Variants in MRTFA observed in about 807,000 individuals in gnomAD.
The protein encoded by MRTFA is myocardin related transcription factor A.
Under a neutral mutation model 83.5 loss-of-function variants are expected in MRTFA, and 20 were observed. The observed-to-expected ratio is 0.24, with a 90% CI of 0.17 to 0.35. MRTFA has a LOEUF of 0.35. MRTFA is among the 10% of genes least tolerant of loss of function. The pLI is 1.00. For synonymous variants in MRTFA, 659 were observed against 541.2 expected, an observed-to-expected ratio of 1.22 and a Z score of -3.02; for missense variants, 1,200 against 1,224.7, an observed-to-expected ratio of 0.98 and a Z score of 0.30.
chr22:40,506,948 T>C (rs1041690610), intron 3 of MRTFA, among the ~76,000 whole-genome samples: 3 of 152,240 alleles, frequency 2.0e-5, no homozygotes, highest in African/African-American at 7.2e-5. Context: ...TGACCACATA[T>C]AAGAAATGCT....
At chr22:40,420,657 G>C in intron 10 of MRTFA, 81 bp from the exon 11 acceptor site, 3 of 1,568,236 alleles carry the variant, frequency 1.9e-6, no homozygotes, top group African/African-American at 1.3e-5. Context: ...TGGGCAGCAG[G>C]ATTGGGTACA....
At chr22:40,564,805 C>T (rs1295879212) in intron 2 of MRTFA, among the ~76,000 whole-genome samples, 1 of 152,158 alleles carries the variant, frequency 6.6e-6, no homozygotes. Flanking sequence ...GCACACGCCG[C>T]CATTCCCGGC....
chr22:40,410,981 G>GGAGA lies in MRTFA; in HGVS notation c.*405_*408dup, dbSNP rs1291858611. 4.2e-6 allele frequency: 1 copy of GGAGA among 239,580 alleles called. No homozygotes were observed. The highest frequency in any genetic ancestry group is 2.2e-5 in the African/African-American group (1 of 45,534). The allele number at this position is 239,580 out of a possible 1,614,324, so 14.8% of individuals were successfully genotyped here. On this transcript the variant is annotated 3_prime_UTR_variant, in exon 15 of 15. Coordinates refer to ENST00000355630, the MANE Select transcript of MRTFA (RefSeq NM_020831.6). ...AATTTCTCCCTTCACAGCAAAGCAG[G>GGAGA]GAGAGAAAGGAAGGAGATTCACCCC...
intron 3 of MRTFA, among the ~76,000 whole-genome samples, chr22:40,494,959 T>C (rs1452175979): frequency 6.6e-6 from 1 of 151,990 alleles, no homozygotes; most frequent in Admixed American, 6.6e-5. Context: ...AAGGTGGTGG[T>C]TTACCTTTTA....
chr22:40,626,296 C>T lies in MRTFA; in HGVS notation c.-84+10182G>A, dbSNP rs541419612. On this transcript the variant is annotated intron_variant, in intron 1 of 14. Coordinates refer to ENST00000355630, the MANE Select transcript of MRTFA (RefSeq NM_020831.6). The stretch of plus-strand genomic sequence containing the variant: ...TACCATGCCTGTCCTAAGATTTACT[C>T]GTTTTTTTTGAGATGAGGTCTGGCT... 3.3e-5 allele frequency among the ~76,000 whole-genome samples: 5 copies of T among 150,812 alleles called. No homozygotes were observed. The South Asian group carries it at 1.1e-3, about 32-fold the overall frequency.
intron 1 of MRTFA, among the ~76,000 whole-genome samples, chr22:40,596,131 C>A (rs928006922): frequency 6.6e-6 from 1 of 151,962 alleles, no homozygotes; most frequent in African/African-American, 2.4e-5. Context: ...TACTGTTTCT[C>A]CTACTACCTA....
chr22:40,430,085 C>T (rs2053036966), intron 6 of MRTFA, among the ~76,000 whole-genome samples: 1 of 152,148 alleles, frequency 6.6e-6, no homozygotes, highest in Admixed American at 6.5e-5. Context: ...CTCAAACTTG[C>T]TGTGTTACTG....
At position 40,448,897 on chromosome 22, in the gene MRTFA, T is replaced by C. The variant is rs556090233; in HGVS notation, c.308-13343A>G. ...CAGGCAAGCCAGGCTTTTCCGAGCATTGGAGATGAACGCTCAGAATTTTTC... is the reference window on the plus strand; with the variant it reads ...CAGGCAAGCCAGGCTTTTCCGAGCACTGGAGATGAACGCTCAGAATTTTTC... On this transcript the variant is annotated intron_variant, in intron 4 of 14. Transcript: ENST00000355630. 3.9e-5 allele frequency among the ~76,000 whole-genome samples: 6 copies of C among 152,294 alleles called. No homozygotes were observed. The East Asian group carries it at 1.2e-3, about 29-fold the overall frequency.
In MRTFA at chr22:40,411,410, G is replaced by A. The variant is rs1400877300; in HGVS notation, c.3076C>T (p.His1026Tyr). The A allele has an allele frequency of 8.3e-6, 13 of 1,566,094 alleles. No homozygotes were observed. The highest frequency in any genetic ancestry group is 1.1e-5 in the Non-Finnish European group (13 of 1,148,096). ...GAGAGCTACAAGCAGGAATCCCAGT[G>A]CAGCTGCAAATCATGGCCATCGAGG... is the stretch of plus-strand genomic sequence containing the variant. Residue 1026 changes from histidine to tyrosine, a missense_variant, in exon 15 of 15, where the codon CAC becomes TAC. By Grantham distance (83) the His-to-Tyr change is moderately conservative. Around this residue, in one of 2 missense-constraint regions of MRTFA, gnomAD observed 1,107 missense variants for 1,041.8 expected, o/e 1.06. Coordinates refer to ENST00000355630, the MANE Select transcript of MRTFA (RefSeq NM_020831.6).
chr22:40,502,673 T>C (rs2054513567), intron 3 of MRTFA, among the ~76,000 whole-genome samples: 1 of 150,446 alleles, frequency 6.6e-6, no homozygotes. Flanking sequence ...GAGGCTGCAA[T>C]CTCGGCACTT....
intron 2 of MRTFA, among the ~76,000 whole-genome samples, chr22:40,572,994 G>A (rs112226755): frequency 1.6e-4 from 24 of 152,258 alleles, no homozygotes; most frequent in African/African-American, 5.5e-4. Flanking sequence ...AAAGCACTAT[G>A]CTAACTGAAA....
rs780730633 is a variant in MRTFA at position 40,421,068 on chromosome 22, T to G, written c.960A>C (p.Ser320=). The stretch of plus-strand genomic sequence containing the variant: ...GCTCCTTGGCCTTCTTGCTGCGCTG[T>G]GACTTCTCACTGGCAGACTTGGGTT... Residue 320 remains serine (S), a synonymous_variant, in exon 10 of 15, where the codon TCA becomes TCC. Transcript: ENST00000355630. 5 of 1,543,460 alleles carry G rather than the reference T, an allele frequency of 3.2e-6. No homozygotes were observed. Among genetic ancestry groups the G allele is most frequent in the Non-Finnish European group, 4.4e-6 (5 of 1,142,368 alleles).
At chr22:40,417,663 A>T in intron 12 of MRTFA, 170 bp from the exon 13 acceptor site, 1 of 576,380 alleles carries the variant, frequency 1.7e-6, no homozygotes, top group Non-Finnish European at 3.1e-6. Context: ...GTAGGAAGGA[A>T]TACAGGATGG....
chr22:40,486,783 C>T (rs2054181138), intron 3 of MRTFA, among the ~76,000 whole-genome samples: 4 of 152,180 alleles, frequency 2.6e-5, no homozygotes, highest in Admixed American at 2.6e-4. Context: ...TGATCTCAGA[C>T]AGCCTGGGCA....
chr22:40,568,041 A>C (rs1183862597), intron 2 of MRTFA, among the ~76,000 whole-genome samples: 1 of 152,206 alleles, frequency 6.6e-6, no homozygotes, highest in Non-Finnish European at 1.5e-5. Flanking sequence ...GTATCCAAAC[A>C]CAGCAACACA....
At chr22:40,597,587 C>T (rs1020813701) in intron 1 of MRTFA, among the ~76,000 whole-genome samples, 3 of 152,078 alleles carry the variant, frequency 2.0e-5, no homozygotes, top group African/African-American at 7.2e-5. Context: ...AATACAAATC[C>T]AAAGTTTATT....
At chr22:40,427,774 C>T (rs911005108) in intron 7 of MRTFA, among the ~76,000 whole-genome samples, 1 of 152,126 alleles carries the variant, frequency 6.6e-6, no homozygotes, top group Non-Finnish European at 1.5e-5. Context: ...CTGGGAGAGA[C>T]TAAGGATTGG....
intron 1 of MRTFA, among the ~76,000 whole-genome samples, chr22:40,602,922 AAGAAAGCAC>A (rs2147398352): frequency 6.6e-6 from 1 of 152,290 alleles, no homozygotes; most frequent in African/African-American, 2.4e-5. Flanking sequence ...CTGGCATCAC[AAGAAAGCAC>A]AGTTCTAGTC....
intron 11 of MRTFA, 51 bp from the exon 12 acceptor site, chr22:40,419,435 A>C: frequency 4.5e-6 from 7 of 1,545,674 alleles, no homozygotes; most frequent in Non-Finnish European, 6.2e-6. Context: ...GACACAGGGC[A>C]CTGGGTCCAG....
Sources: allele counts gnomAD v4.1 joint callset (sites outside exome capture counted in the v4.1 genomes callset), GRCh38; gene constraint gnomAD v4.1.1; regional missense constraint gnomAD v4.1.1; transcripts MANE v1.5; gene names NCBI Gene and HGNC (gene_info 2026-07-23, HGNC 2026-07-21).